SLC4A10: variants seen among roughly 807,000 people sequenced by gnomAD.
SLC4A10 encodes solute carrier family 4 member 10.
In SLC4A10, 42 loss-of-function variants were observed where a neutral mutation model predicts 137.7. That is an observed-to-expected ratio of 0.30 (90% CI 0.24 to 0.39). The LOEUF (loss-of-function observed/expected upper bound fraction) is 0.39. Ranked by LOEUF, SLC4A10 falls within the 10% of genes least tolerant of loss-of-function variation. SLC4A10 has a pLI of 1.00. For missense variants in SLC4A10, 925 were observed against 1,355.0 expected (o/e 0.68, Z 4.98); for synonymous variants, 474 against 464.1 (o/e 1.02, Z -0.27).
intron 1 of SLC4A10, among the ~76,000 whole-genome samples, chr2:161,629,654 T>C (rs1449512906): frequency 6.6e-6 from 1 of 151,854 alleles, no homozygotes; most frequent in African/African-American, 2.4e-5. Flanking sequence ...ATTATAGTAT[T>C]ATACAGAGTC....
chr2:161,838,485 A>C (rs1022191313), intron 3 of SLC4A10, among the ~76,000 whole-genome samples: 1 of 152,198 alleles, frequency 6.6e-6, no homozygotes, highest in Non-Finnish European at 1.5e-5. Context: ...GAATTTATCA[A>C]AATTTAAAAC....
intron 15 of SLC4A10, among the ~76,000 whole-genome samples, chr2:161,932,943 A>G (rs1489502164): frequency 2.0e-5 from 3 of 151,820 alleles, no homozygotes; most frequent in East Asian, 3.8e-4. Flanking sequence ...CAGTCTTTTT[A>G]GATTCCCCAT....
intron 3 of SLC4A10, among the ~76,000 whole-genome samples, chr2:161,816,803 A>G (rs2057119970): frequency 1.3e-5 from 2 of 152,120 alleles, no homozygotes; most frequent in South Asian, 4.1e-4. Context: ...TACAAAGGAC[A>G]TGAACTCATC....
In SLC4A10 at chr2:161,974,273, G is replaced by C. The variant is rs574637617; in HGVS notation, c.3184G>C (p.Glu1062Gln). ...KEEEQSMLAM[E>Q]DEGTVQLPLE... ...GGAAGAACAAAGTATGCTAGCTATG[G>C]AAGATGAGGGCACAGTACAACTCCC... is the stretch of plus-strand genomic sequence containing the variant. Residue 1062 changes from glutamate to glutamine, a missense_variant, in exon 24 of 27, where the codon GAA becomes CAA. By Grantham distance (29) the Glu-to-Gln change is conservative. Around this residue, in one of 11 missense-constraint regions of SLC4A10, gnomAD observed 84 missense variants for 76.9 expected, o/e 1.09. Transcript: ENST00000446997. 1.2e-6 allele frequency: 2 copies of C among 1,608,432 alleles called. No individual in the cohort carries two copies. The highest frequency in any genetic ancestry group is 2.2e-5 in the South Asian group (2 of 89,428).
chr2:161,760,336 G>T (rs2050129240), intron 1 of SLC4A10, among the ~76,000 whole-genome samples: 1 of 151,582 alleles, frequency 6.6e-6, no homozygotes, highest in Non-Finnish European at 1.5e-5. Context: ...TAACTGTTTT[G>T]CCCATCCATG....
At chr2:161,900,436 C>T (rs1386353408) in intron 11 of SLC4A10, among the ~76,000 whole-genome samples, 4 of 152,100 alleles carry the variant, frequency 2.6e-5, no homozygotes, top group Admixed American at 1.3e-4. Context: ...CACCACCATA[C>T]TTAACACCTC....
At chr2:161,970,006 A>G (rs908905480) in intron 23 of SLC4A10, among the ~76,000 whole-genome samples, 5 of 152,186 alleles carry the variant, frequency 3.3e-5, no homozygotes, top group Non-Finnish European at 5.9e-5. Flanking sequence ...GCAACCTAGA[A>G]TGCAAATTCT....
chr2:161,749,079 A>T (rs1479565291), intron 1 of SLC4A10, among the ~76,000 whole-genome samples: 1 of 151,846 alleles, frequency 6.6e-6, no homozygotes, highest in African/African-American at 2.4e-5. Context: ...TCTCAGATAG[A>T]TTGTTTTTAG....
chr2:161,874,384 A>G (rs1266336565), intron 8 of SLC4A10, among the ~76,000 whole-genome samples: 3 of 152,230 alleles, frequency 2.0e-5, no homozygotes, highest in Non-Finnish European at 2.9e-5. Context: ...TAACCTTTAT[A>G]CACTGATTGT....
At chr2:161,949,068 G>A in intron 17 of SLC4A10, 80 bp from the exon 18 acceptor site, 7 of 845,384 alleles carry the variant, frequency 8.3e-6, no homozygotes, top group East Asian at 2.5e-5. Context: ...TGTTTATAAA[G>A]TGTGACTCTA....
chr2:161,881,977 G>A (rs961777456), intron 9 of SLC4A10, among the ~76,000 whole-genome samples: 1 of 151,732 alleles, frequency 6.6e-6, no homozygotes, highest in African/African-American at 2.4e-5. Context: ...TCGCCATTTT[G>A]CATACAAGTG....
chr2:161,953,607 C>CAA (rs35310961), intron 19 of SLC4A10, among the ~76,000 whole-genome samples: 17 of 142,490 alleles, frequency 1.2e-4, no homozygotes, highest in South Asian at 6.6e-4. Context: ...GACTCCGTCT[C>CAA]AAAAAAAAAA....
chr2:161,842,772 G>T (rs568930690), intron 4 of SLC4A10, among the ~76,000 whole-genome samples: 13 of 152,154 alleles, frequency 8.5e-5, no homozygotes, highest in South Asian at 6.2e-4. Flanking sequence ...TAATATATGT[G>T]CTCATCTTCT....
chr2:161,889,134 A>G (rs935723414), intron 10 of SLC4A10, among the ~76,000 whole-genome samples: 1 of 152,072 alleles, frequency 6.6e-6, no homozygotes, highest in African/African-American at 2.4e-5. Flanking sequence ...GGGATGAACG[A>G]GACTTGATGG....
At chr2:161,864,786 C>T (rs1476028418) in intron 6 of SLC4A10, among the ~76,000 whole-genome samples, 3 of 152,126 alleles carry the variant, frequency 2.0e-5, no homozygotes, top group East Asian at 3.9e-4. Flanking sequence ...ATATGTGATA[C>T]ATAAGATAAC....
rs560728760 is a variant in SLC4A10 at position 161,694,338 on chromosome 2, A to G, written c.48+69772A>G. Among the ~76,000 whole-genome samples the G allele has an allele frequency of 4.3e-4, 66 of 151,972 alleles. 1 individual carries two copies. The highest frequency in any genetic ancestry group is 5.6e-4 in the Non-Finnish European group (38 of 67,882). ...TTTGTGCTACTATTTATGCATAGGT[A>G]TTTTTTTCCCCAGACATAACTTTAT... On this transcript the variant is annotated intron_variant, in intron 1 of 26. Transcript: ENST00000446997.
chr2:161,933,248 TTTC>T (rs1465835568), intron 15 of SLC4A10, among the ~76,000 whole-genome samples: 12 of 144,488 alleles, frequency 8.3e-5, no homozygotes, highest in African/African-American at 1.3e-4. Context: ...TCTTTCTTTC[TTTC>T]TTCTTTCTTT....
At chr2:161,627,790 A>T (rs903386339) in intron 1 of SLC4A10, among the ~76,000 whole-genome samples, 1 of 152,088 alleles carries the variant, frequency 6.6e-6, no homozygotes, top group Non-Finnish European at 1.5e-5. Context: ...GCTATGTCTG[A>T]AGTTACAGAA....
intron 2 of SLC4A10, among the ~76,000 whole-genome samples, chr2:161,781,919 T>G (rs1271691505): frequency 6.6e-6 from 1 of 151,796 alleles, no homozygotes; most frequent in Non-Finnish European, 1.5e-5. Context: ...GGGAAAAGAG[T>G]CTCAGCTCTC....
Sources: gnomAD v4.1 joint callset for allele counts (sites outside exome capture counted in the v4.1 genomes callset) on GRCh38, gnomAD v4.1.1 for gene constraint, gnomAD v4.1.1 regional missense constraint, MANE v1.5 for transcripts, NCBI Gene and HGNC (gene_info 2026-07-23, HGNC 2026-07-21) for gene names.